MAPK6: variants seen among roughly 807,000 people sequenced by gnomAD.
MAPK6 encodes ERK-3.
A neutral mutation model predicts 59.3 loss-of-function variants in MAPK6; 19 were observed. The observed-to-expected ratio is 0.32, with a 90% CI of 0.22 to 0.47. The LOEUF (loss-of-function observed/expected upper bound fraction) is 0.47. MAPK6 is among the 20% of genes least tolerant of loss of function. The pLI is 1.00. For synonymous variants in MAPK6, 316 were observed against 290.3 expected, an observed-to-expected ratio of 1.09 and a Z score of -0.90; for missense variants, 724 against 847.9, an observed-to-expected ratio of 0.85 and a Z score of 1.81.
chr15:51,991,602 TC>T (rs1308013426), intron 2 of MAPK6, among the ~76,000 whole-genome samples: 1 of 152,246 alleles, frequency 6.6e-6, no homozygotes, highest in Non-Finnish European at 1.5e-5. Flanking sequence ...GGAACTAGTT[TC>T]TAGTTTCCTA....
rs572047600 is a variant in MAPK6, at chr15:51,977,164, G to A, written c.-880+5258G>A. ...ATTACAGGTGCACACCACCACGCCC[G>A]GCTAATTTTTTGTATTTTGGTAGAG... On this transcript the variant is annotated intron_variant, in intron 1 of 7. Coordinates refer to the MAPK6 transcript ENST00000691380. Among the ~76,000 whole-genome samples the A allele has an allele frequency of 2.7e-3, 405 of 151,074 alleles. 6 individuals are homozygous for A. The highest frequency in any genetic ancestry group is 4.5e-3 in the Non-Finnish European group (302 of 67,738).
chr15:52,005,196 CT>C (rs1391111045), intron 3 of MAPK6, among the ~76,000 whole-genome samples: 1 of 152,142 alleles, frequency 6.6e-6, no homozygotes, highest in African/African-American at 2.4e-5. Flanking sequence ...AAAATAGGCA[CT>C]CAAAGGCTAT....
At chr15:52,031,148 G>A (rs2031017247) in intron 1 of MAPK6, among the ~76,000 whole-genome samples, 1 of 152,028 alleles carries the variant, frequency 6.6e-6, no homozygotes, top group African/African-American at 2.4e-5. Context: ...GGCCAGGCTG[G>A]TCTCAAACTC....
At chr15:52,012,495 A>C (rs189420637) in intron 3 of MAPK6, among the ~76,000 whole-genome samples, 43 of 152,274 alleles carry the variant, frequency 2.8e-4, no homozygotes, top group East Asian at 1.2e-3. Context: ...AGGTTAAGCC[A>C]AGTCTCCCAA....
intron 2 of MAPK6, among the ~76,000 whole-genome samples, chr15:51,991,146 T>TACACACACACAC (rs141153685): frequency 2.5e-5 from 3 of 120,370 alleles, no homozygotes; most frequent in South Asian, 2.5e-4. Context: ...AATATATATA[T>TACACACACACAC]ATACACACAC....
rs534401841 is a variant in MAPK6, at chr15:52,040,386, G to A, written c.-631-5444G>A. ...ATAAGAGCCTTTGTGGAGAGGGGAT[G>A]GGGGAAGTGCTGTGCTGTCAGTGAA... On this transcript the variant is annotated intron_variant, in intron 1 of 5. Transcript: ENST00000261845. Among the ~76,000 whole-genome samples the A allele has an allele frequency of 9.8e-5, 15 of 152,336 alleles. No homozygotes were observed. In the South Asian group the frequency reaches 3.1e-3, roughly 32 times the overall value.
chr15:51,981,480 A>G (rs961416383), intron 1 of MAPK6, among the ~76,000 whole-genome samples: 2 of 151,592 alleles, frequency 1.3e-5, no homozygotes, highest in African/African-American at 4.9e-5. Context: ...TCAAAAAAAA[A>G]AAAGAAAAAG....
At chr15:52,017,842 G>A (rs1339705343), upstream of MAPK6, 1 of 152,258 alleles carries the variant, frequency 6.6e-6, no homozygotes, top group Non-Finnish European at 1.5e-5. Context: ...CTAGAGCAGA[G>A]GCAGTGGGGC....
chr15:52,019,199 A>T (rs1406075183), upstream of MAPK6: 1 of 151,650 alleles, frequency 6.6e-6, no homozygotes, highest in African/African-American at 2.4e-5. Context: ...GGGGCGTGGC[A>T]CCGCGAAGCC....
intron 3 of MAPK6, chr15:52,056,837 T>A (rs1566912932): frequency 7.4e-6 from 1 of 135,100 alleles, no homozygotes; most frequent in Non-Finnish European, 1.5e-5. Flanking sequence ...TATCTGATGA[T>A]GACTCCTGAA....
upstream of MAPK6, among the ~76,000 whole-genome samples, chr15:52,016,362 C>A (rs1258462737): frequency 2.6e-5 from 4 of 151,460 alleles, no homozygotes; most frequent in Non-Finnish European, 5.9e-5. Context: ...ACACTCCAGC[C>A]TGGATGACAA....
chr15:52,049,874 A>G (rs1027412626), intron 2 of MAPK6, 119 bp from the exon 3 acceptor site: 3 of 928,202 alleles, frequency 3.2e-6, no homozygotes, highest in African/African-American at 1.7e-5. Context: ...TGGTTTCCCA[A>G]AATGCTGGGA....
chr15:51,971,942 T>C, intron 1 of MAPK6: 1 of 597,742 alleles, frequency 1.7e-6, no homozygotes. Flanking sequence ...ATTTCGTCAA[T>C]ATCTGTTATT....
At chr15:52,014,374 A>G (rs1595969851), upstream of MAPK6, among the ~76,000 whole-genome samples, 3 of 152,322 alleles carry the variant, frequency 2.0e-5, no homozygotes, top group South Asian at 2.1e-4. Context: ...TATAAACTAT[A>G]TATGTCATCA....
intron 4 of MAPK6, among the ~76,000 whole-genome samples, chr15:52,060,290 G>A (rs74970835): frequency 0.036 from 5,508 of 152,226 alleles, 232 homozygotes; most frequent in African/African-American, 0.1. Flanking sequence ...AGTACAGGTT[G>A]GCTTGAGAGA....
intron 2 of MAPK6, among the ~76,000 whole-genome samples, chr15:51,991,168 CACACACACACACAT>C (rs1284485764): frequency 1.4e-5 from 2 of 146,824 alleles, no homozygotes; most frequent in African/African-American, 2.7e-5. Context: ...CACACACACA[CACACACACACACAT>C]ATATATATGT....
intron 2 of MAPK6, among the ~76,000 whole-genome samples, chr15:51,998,085 G>C (rs921123661): frequency 6.8e-6 from 1 of 148,144 alleles, no homozygotes; most frequent in African/African-American, 2.5e-5. Flanking sequence ...CTGGGACTAC[G>C]GGCACATGCC....
In MAPK6 at chr15:52,066,963, G is replaced by A. The variant is rs2032440577; in HGVS notation, c.*1963G>A. ...GGAGCTGGGTGGGGTGACAAGTGCA[G>A]AGGCTTTGAGTGTCATGAGAGCATC... On this transcript the variant is annotated 3_prime_UTR_variant, in exon 6 of 6. Transcript: ENST00000261845. 6.6e-6 allele frequency: 1 copy of A among 152,194 alleles called. No individual in the cohort carries two copies. The highest frequency in any genetic ancestry group is 2.4e-5 in the African/African-American group (1 of 41,428). 9.4% of individuals were successfully genotyped at this position (152,194 alleles called of 1,614,324 possible).
chr15:52,055,247 AAAAC>A (rs1163941856), intron 3 of MAPK6, among the ~76,000 whole-genome samples: 1 of 152,194 alleles, frequency 6.6e-6, no homozygotes, highest in Admixed American at 6.5e-5. Flanking sequence ...GTCTCGACAA[AAAAC>A]AAAAATGTAG....
Sources: gnomAD v4.1 joint callset for allele counts (sites outside exome capture counted in the v4.1 genomes callset) on GRCh38, gnomAD v4.1.1 for gene constraint, MANE v1.5 for transcripts, NCBI Gene and HGNC (gene_info 2026-07-23, HGNC 2026-07-21) for gene names.